Variants in AIDA observed in about 807,000 individuals in gnomAD.
AIDA encodes axin interactor, dorsalization associated.
A neutral mutation model predicts 42.7 loss-of-function variants in AIDA; 18 were observed. That is an observed-to-expected ratio of 0.42 (90% confidence interval 0.29 to 0.63). AIDA has a LOEUF of 0.63. AIDA is among the 20% of genes least tolerant of loss of function. The pLI, the probability that AIDA is intolerant of heterozygous loss-of-function variation, is 0.19. For synonymous variants in AIDA, 104 were observed against 122.9 expected (o/e 0.85, Z 1.02); for missense variants, 250 against 354.1 (o/e 0.71, Z 2.36).
intron 2 of AIDA, among the ~76,000 whole-genome samples, chr1:222,694,995 G>T (rs1655475253): frequency 6.6e-6 from 1 of 152,186 alleles, no homozygotes; most frequent in Non-Finnish European, 1.5e-5. Context: ...AAATTAAAGG[G>T]TTTAGAAAAT....
chr1:222,698,405 A>ATGAATCATATGTGAATATG (rs1168897745), intron 2 of AIDA, among the ~76,000 whole-genome samples: 1 of 152,138 alleles, frequency 6.6e-6, no homozygotes. Flanking sequence ...ATATGTGAAT[A>ATGAATCATATGTGAATATG]AATATCAACA....
intron 2 of AIDA, among the ~76,000 whole-genome samples, chr1:222,695,452 A>G (rs1205393072): frequency 6.6e-6 from 1 of 152,212 alleles, no homozygotes; most frequent in Non-Finnish European, 1.5e-5. Context: ...AAATCATGCC[A>G]CTGCACTCCA....
At chr1:222,685,016 C>A (rs150125534) in intron 6 of AIDA, among the ~76,000 whole-genome samples, 1 of 152,088 alleles carries the variant, frequency 6.6e-6, no homozygotes, top group Non-Finnish European at 1.5e-5. Flanking sequence ...ATCTTGGCAA[C>A]CTTGAAATAC....
intron 1 of AIDA, among the ~76,000 whole-genome samples, chr1:222,708,579 G>A (rs372164891): frequency 2.0e-5 from 3 of 151,890 alleles, no homozygotes; most frequent in Admixed American, 1.3e-4. Context: ...CATGTTGGCC[G>A]GGATGGTCTT....
chr1:222,680,136 G>A (rs996592910), intron 6 of AIDA, among the ~76,000 whole-genome samples: 1 of 152,150 alleles, frequency 6.6e-6, no homozygotes, highest in Admixed American at 6.5e-5. Flanking sequence ...AGCAATGCAG[G>A]TTCACAGTGA....
At chr1:222,688,860 C>T (rs1365588480) in intron 4 of AIDA, among the ~76,000 whole-genome samples, 1 of 151,926 alleles carries the variant, frequency 6.6e-6, no homozygotes, top group African/African-American at 2.4e-5. Context: ...AGCCTCCCCC[C>T]AGAAAAAGTT....
intron 2 of AIDA, among the ~76,000 whole-genome samples, chr1:222,695,318 T>G (rs1042467240): frequency 6.6e-6 from 1 of 152,060 alleles, no homozygotes; most frequent in Non-Finnish European, 1.5e-5. Flanking sequence ...ATGGCGAAAC[T>G]CTGTCTCTAC....
chr1:222,706,771 G>A (rs1276682340), intron 1 of AIDA, among the ~76,000 whole-genome samples: 3 of 150,200 alleles, frequency 2.0e-5, no homozygotes, highest in Non-Finnish European at 2.9e-5. Flanking sequence ...TCAGGAGGCT[G>A]AGGCACGAAA....
chr1:222,691,206 C>T (rs1655359528), intron 4 of AIDA, among the ~76,000 whole-genome samples: 1 of 151,918 alleles, frequency 6.6e-6, no homozygotes, highest in Non-Finnish European at 1.5e-5. Flanking sequence ...CAGGGATTAG[C>T]GAACAGCCTG....
intron 6 of AIDA, 133 bp downstream of exon 6, chr1:222,686,797 A>G: frequency 1.8e-6 from 2 of 1,091,468 alleles, no homozygotes; most frequent in Admixed American, 2.8e-5. Flanking sequence ...GCTACTGCCA[A>G]TAAAATTTGC....
chr1:222,694,110 T>G, intron 3 of AIDA, 100 bp downstream of exon 3: 1 of 1,126,252 alleles, frequency 8.9e-7, no homozygotes, highest in Non-Finnish European at 1.3e-6. Flanking sequence ...ATAAAACACT[T>G]CTGAGACAAT....
intron 1 of AIDA, among the ~76,000 whole-genome samples, chr1:222,707,161 CT>C (rs1003801851): frequency 5.3e-5 from 8 of 151,078 alleles, no homozygotes; most frequent in African/African-American, 1.2e-4. Flanking sequence ...TGTAAAATAA[CT>C]TTTTTTTTGA....
At chr1:222,689,481 G>GTGTA (rs1253190601) in intron 4 of AIDA, among the ~76,000 whole-genome samples, 11 of 35,366 alleles carry the variant, frequency 3.1e-4, no homozygotes, top group African/African-American at 3.7e-4. Flanking sequence ...GTGTGTGTGT[G>GTGTA]TATATATATA....
intron 6 of AIDA, among the ~76,000 whole-genome samples, chr1:222,684,090 A>T (rs773934943): frequency 4.6e-5 from 7 of 152,132 alleles, no homozygotes; most frequent in Non-Finnish European, 1.0e-4. Context: ...AACTCATTAA[A>T]GGTACATATT....
intron 2 of AIDA, among the ~76,000 whole-genome samples, chr1:222,694,695 G>C (rs1655466781): frequency 4.6e-5 from 7 of 152,052 alleles, no homozygotes; most frequent in Admixed American, 3.9e-4. Flanking sequence ...TTAATATATA[G>C]GCAACACTAA....
chr1:222,689,520 T>TATATATATATAC lies in AIDA; in HGVS notation c.290-1863_290-1862insGTATATATATAT, dbSNP rs765351898. Among the ~76,000 whole-genome samples the TATATATATATAC allele has an allele frequency of 7.4e-3, 427 of 57,842 alleles. 10 individuals are homozygous for TATATATATATAC. Among genetic ancestry groups the TATATATATATAC allele is most frequent in the Non-Finnish European group, 0.012 (316 of 26,230 alleles). The allele number at this position is 57,842 out of a possible 152,430, so 37.9% of individuals were successfully genotyped here. On this transcript the variant is annotated intron_variant, in intron 4 of 9. Coordinates refer to ENST00000340020, the MANE Select transcript of AIDA (RefSeq NM_022831.4). ...ATATATATATATATATATATATATA[T>TATATATATATAC]ACACACATACACACACACACATATA... is the stretch of plus-strand genomic sequence containing the variant.
chr1:222,695,164 G>C (rs1459244561), intron 2 of AIDA, among the ~76,000 whole-genome samples: 5 of 152,198 alleles, frequency 3.3e-5, no homozygotes, highest in Admixed American at 1.3e-4. Flanking sequence ...TTTGTGTTTT[G>C]GTTTTCTCTA....
intron 4 of AIDA, among the ~76,000 whole-genome samples, chr1:222,689,520 T>TACACACAC (rs1553294405): frequency 1.7e-5 from 1 of 58,102 alleles, no homozygotes; most frequent in Non-Finnish European, 3.8e-5. Flanking sequence ...TATATATATA[T>TACACACAC]ACACACATAC....
intron 2 of AIDA, among the ~76,000 whole-genome samples, chr1:222,701,107 C>A (rs1447598349): frequency 6.6e-6 from 1 of 151,730 alleles, no homozygotes; most frequent in African/African-American, 2.4e-5. Flanking sequence ...GAACTACAGG[C>A]TTACACCACC....
Sources: allele counts gnomAD v4.1 joint callset (sites outside exome capture counted in the v4.1 genomes callset), GRCh38; gene constraint gnomAD v4.1.1; transcripts MANE v1.5; gene names NCBI Gene and HGNC (gene_info 2026-07-23, HGNC 2026-07-21).